The following DNAH10 variants were observed in gnomAD, a reference collection of about 807,000 sequenced individuals.
The protein encoded by DNAH10 is dynein axonemal heavy chain 10.
In DNAH10, 348 loss-of-function variants were observed where a neutral mutation model predicts 506.6. That is an observed-to-expected ratio of 0.69 (90% CI 0.63 to 0.75). The LOEUF (loss-of-function observed/expected upper bound fraction) is 0.75, where lower values mean the gene tolerates loss of function less well. Among genes scored for constraint, DNAH10 ranks in the 30% least tolerant of loss-of-function variants. The pLI, the probability that DNAH10 is intolerant of heterozygous loss-of-function variation, is 0.00. For missense variants in DNAH10, 5,179 were observed against 5,787.1 expected (o/e 0.89, Z 3.41); for synonymous variants, 2,059 against 2,198.6 (o/e 0.94, Z 1.78).
In DNAH10 at chr12:123,848,007, C is replaced by G; in HGVS notation, c.5861C>G (p.Thr1954Ser). ...LGGAPAGPAG[T>S]GKTETTKDLA... ...GGGGCCCCCGCCGGCCCAGCAGGAA[C>G]CGGCAAAACCGAGACCACCAAGGAC... The change falls in exon 33 of 79, where the codon ACC becomes AGC. Residue 1954 changes from threonine to serine, a missense_variant. Transcript: ENST00000673944. 6.2e-7 allele frequency: 1 copy of G among 1,613,944 alleles called. No homozygotes were observed. Among genetic ancestry groups the G allele is most frequent in the East Asian group, 2.2e-5 (1 of 44,884 alleles).
intron 56 of DNAH10, among the ~76,000 whole-genome samples, chr12:123,901,662 A>T (rs1222302956): frequency 6.6e-6 from 1 of 152,128 alleles, no homozygotes; most frequent in African/African-American, 2.4e-5. Flanking sequence ...TAAATTAATT[A>T]ATTAATTTAT....
intron 16 of DNAH10, among the ~76,000 whole-genome samples, chr12:123,803,361 C>T (rs957835103): frequency 6.6e-6 from 1 of 152,154 alleles, no homozygotes; most frequent in Non-Finnish European, 1.5e-5. Flanking sequence ...TCAGGGAGCT[C>T]CAGCAGTGAG....
At chr12:123,765,483 A>G (rs1479707443) in intron 1 of DNAH10, among the ~76,000 whole-genome samples, 1 of 152,120 alleles carries the variant, frequency 6.6e-6, no homozygotes, top group Non-Finnish European at 1.5e-5. Flanking sequence ...CTCTTTTGTC[A>G]AATTATCAGT....
chr12:123,929,925 T>A (rs1399310935), intron 72 of DNAH10, 166 bp downstream of exon 72: 3 of 657,020 alleles, frequency 4.6e-6, no homozygotes, highest in Non-Finnish European at 7.8e-6. Context: ...TTCTTTGTCC[T>A]AAGTGAGCTC....
intron 35 of DNAH10, among the ~76,000 whole-genome samples, chr12:123,852,706 T>C (rs1951223040): frequency 6.6e-6 from 1 of 152,114 alleles, no homozygotes; most frequent in East Asian, 1.9e-4. Context: ...CCCAAGTAGC[T>C]GGGATTATAG....
At chr12:123,769,397 A>G (rs1957166621) in intron 2 of DNAH10, among the ~76,000 whole-genome samples, 1 of 151,496 alleles carries the variant, frequency 6.6e-6, no homozygotes, top group Non-Finnish European at 1.5e-5. Context: ...GGCTGGTCTC[A>G]AACTCCTGAC....
chr12:123,896,565 C>T (rs764309290), intron 54 of DNAH10, among the ~76,000 whole-genome samples: 1 of 152,066 alleles, frequency 6.6e-6, no homozygotes, highest in Non-Finnish European at 1.5e-5. Flanking sequence ...ACCCAGTCCT[C>T]GGGCGGGCGA....
At chr12:123,815,210 G>A (rs187492974) in intron 21 of DNAH10, among the ~76,000 whole-genome samples, 73 of 152,104 alleles carry the variant, frequency 4.8e-4, no homozygotes, top group African/African-American at 1.6e-3. Flanking sequence ...ATGTCTCCCC[G>A]TAAAGATTTA....
chr12:123,921,990 C>T (rs1027950912), intron 65 of DNAH10, among the ~76,000 whole-genome samples: 1 of 151,368 alleles, frequency 6.6e-6, no homozygotes, highest in Non-Finnish European at 1.5e-5. Flanking sequence ...GCTAGGATTA[C>T]AGATGTGAGC....
In DNAH10 at chr12:123,909,150, G is replaced by T. The variant is rs6488910; in HGVS notation, c.9816-111G>T. ...TGGCTTCTTTCGTTTGCTTGCAGCAGTAGCTCCAGGGACTGTCTTTTGGTT... is the reference window on the plus strand; with the variant it reads ...TGGCTTCTTTCGTTTGCTTGCAGCATTAGCTCCAGGGACTGTCTTTTGGTT... On this transcript the variant is annotated intron_variant, in intron 57 of 78. Transcript: ENST00000673944. The surrounding 1 kb of genome is among the most constrained non-coding windows in gnomAD (Gnocchi z 5.4). The T allele has an allele frequency of 0.35, 492,045 of 1,396,306 alleles. 91,379 individuals carry two copies. Among genetic ancestry groups the T allele is most frequent in the African/African-American group, 0.67 (46,220 of 69,048 alleles). 86.5% of individuals were successfully genotyped at this position (1,396,306 alleles called of 1,614,324 possible).
intron 5 of DNAH10, among the ~76,000 whole-genome samples, chr12:123,780,077 ATGGTCC>A (rs1593997853): frequency 7.3e-6 from 1 of 136,648 alleles, no homozygotes; most frequent in East Asian, 2.4e-4. Context: ...CAAGAACAAG[ATGGTCC>A]TGAGCTGATG....
intron 2 of DNAH10, among the ~76,000 whole-genome samples, chr12:123,770,971 A>ATT (rs1957230174): frequency 2.5e-5 from 3 of 117,912 alleles, no homozygotes; most frequent in African/African-American, 6.8e-5. Flanking sequence ...GCTAGCTGTA[A>ATT]TTCTTTTTTT....
chr12:123,935,010 T>C, intron 78 of DNAH10: 2 of 620,988 alleles, frequency 3.2e-6, no homozygotes, highest in South Asian at 4.1e-5. Context: ...GATCCTGTGG[T>C]CTAGACTAAC....
In DNAH10 at chr12:123,903,038, C is replaced by T. The variant is rs757980551; in HGVS notation, c.9740C>T (p.Ala3247Val). ...AAGGCCGAGGCCGAGACGACCCTGG[C>T]AGAGGTCATGCCCATCCTGGAGGCC... Reference protein sequence around the residue: ...MEKAEAETTLAEVMPILEAAK... With the variant: ...MEKAEAETTLVEVMPILEAAK... Residue 3247 changes from alanine to valine, a missense_variant, in exon 57 of 79, where the codon GCA becomes GTA. Ala to Val is a moderately conservative substitution (Grantham distance 64). Around this residue, in one of 3 missense-constraint regions of DNAH10, gnomAD observed 4,844 missense variants for 5,430.5 expected, o/e 0.89. Coordinates refer to ENST00000673944, the MANE Select transcript of DNAH10 (RefSeq NM_001372106.1). The surrounding 1 kb of genome is among the most constrained non-coding windows in gnomAD (Gnocchi z 4.6). 1.1e-5 allele frequency: 18 copies of T among 1,609,428 alleles called. 1 individual carries two copies. The Admixed American group carries it at 1.7e-4, about 15-fold the overall frequency.
chr12:123,902,815 G>A lies in DNAH10; in HGVS notation c.9641-124G>A, dbSNP rs76926088. The A allele has an allele frequency of 0.23, 286,466 of 1,255,786 alleles. 33,166 individuals are homozygous for A. The highest frequency in any genetic ancestry group is 0.3 in the African/African-American group (19,378 of 65,622). The allele number at this position is 1,255,786 out of a possible 1,614,324, so 77.8% of individuals were successfully genotyped here. On this transcript the variant is annotated intron_variant, in intron 56 of 78. Transcript: ENST00000673944. This position sits in a 1 kb window ranked among gnomAD's most constrained non-coding sequence, Gnocchi z 4.5. ...ATCACTGAGGCTGCCACATTGGCCA[G>A]AGCCCCTTAGATCCCCGCTAGGGCT...
intron 57 of DNAH10, among the ~76,000 whole-genome samples, chr12:123,908,894 T>G (rs1594348028): frequency 6.6e-6 from 1 of 152,022 alleles, no homozygotes; most frequent in African/African-American, 2.4e-5. Context: ...ATAATGACAA[T>G]AATGACGGCA....
intron 34 of DNAH10, among the ~76,000 whole-genome samples, 169 bp downstream of exon 34, chr12:123,849,051 A>G (rs1424947459): frequency 6.6e-6 from 1 of 152,196 alleles, no homozygotes; most frequent in Non-Finnish European, 1.5e-5. Context: ...CAAAATTATC[A>G]TCATTGATGA....
Position 123,820,877 on chromosome 12 carries a change from C to T in DNAH10, c.4179+119C>T, listed in dbSNP as rs371933292. The T allele has an allele frequency of 7.0e-5, 84 of 1,192,240 alleles. 1 individual carries two copies. The highest frequency in any genetic ancestry group is 4.8e-4 in the South Asian group (32 of 67,266). The allele number at this position is 1,192,240 out of a possible 1,614,324, so 73.9% of individuals were successfully genotyped here. A position where few individuals can be genotyped will look rare whatever the true frequency, so the allele number is the denominator to read the frequency against. On this transcript the variant is annotated intron_variant, in intron 24 of 78. Coordinates refer to ENST00000673944, the MANE Select transcript of DNAH10 (RefSeq NM_001372106.1). ...GAGCTTGGGTCTGACGTTGTGGAAA[C>T]GCTCATTTTGGCCGCAGGGAAGGGG...
chr12:123,848,187 G>A (rs575473366), intron 33 of DNAH10, 92 bp downstream of exon 33: 10 of 1,509,366 alleles, frequency 6.6e-6, no homozygotes, highest in African/African-American at 5.6e-5. Flanking sequence ...TTGACATGGC[G>A]ACAGTGGAAG....
Sources: allele counts gnomAD v4.1 joint callset (sites outside exome capture counted in the v4.1 genomes callset), GRCh38; gene constraint gnomAD v4.1.1; regional missense constraint gnomAD v4.1.1; non-coding constraint Gnocchi (gnomAD v3.1); transcripts MANE v1.5; gene names NCBI Gene and HGNC (gene_info 2026-07-23, HGNC 2026-07-21).